Variants in RRM2B observed in about 807,000 individuals in gnomAD.
The protein encoded by RRM2B is ribonucleoside-diphosphate reductase subunit M2 B.
A neutral mutation model predicts 45.9 loss-of-function variants in RRM2B; 20 were observed. That is an observed-to-expected ratio of 0.44 (90% CI 0.31 to 0.63). RRM2B has a LOEUF of 0.63. RRM2B is among the 30% of genes least tolerant of loss of function. The pLI is 0.09. For synonymous variants in RRM2B, 124 were observed against 132.3 expected (o/e 0.94, Z 0.43); for missense variants, 320 against 414.7 (o/e 0.77, Z 1.98).
chr8:102,224,258 T>G, intron 4 of RRM2B, 118 bp from the exon 5 acceptor site: 1 of 682,186 alleles, frequency 1.5e-6, no homozygotes, highest in East Asian at 3.0e-5. Flanking sequence ...CTCGGCTCAC[T>G]GCAAGCTCCA....
intron 6 of RRM2B, among the ~76,000 whole-genome samples, chr8:102,216,795 C>T (rs1810738356): frequency 6.6e-6 from 1 of 151,874 alleles, no homozygotes; most frequent in South Asian, 2.1e-4. Flanking sequence ...GCAAATAAAA[C>T]CAATAATGAG....
rs2132539435 is a variant in RRM2B, at chr8:102,208,163, A to C, written c.1026T>G (p.Asp342Glu). ...AATCTGCATCCAAGGTGAAGACGTT[A>C]TCTGTGGTTTCTGCCATAACTGCAA... ...QRFAVMAETT[D>E]NVFTLDADF is the part of the protein sequence containing the mutation. Residue 342 changes from aspartate to glutamate, a missense_variant, in exon 9 of 9, where the codon GAT becomes GAG. By Grantham distance (45) the Asp-to-Glu change is conservative. Transcript: ENST00000251810. 6.2e-7 allele frequency: 1 copy of C among 1,613,678 alleles called. No homozygotes were observed. Among genetic ancestry groups the C allele is most frequent in the Middle Eastern group, 1.7e-4 (1 of 6,058 alleles).
Position 102,206,478 on chromosome 8 carries a change from T to C in RRM2B, c.*1655A>G, listed in dbSNP as rs1467450894. The C allele has an allele frequency of 6.6e-6, 1 of 152,196 alleles. No homozygotes were observed. Among genetic ancestry groups the C allele is most frequent in the Non-Finnish European group, 1.5e-5 (1 of 68,020 alleles). The allele number at this position is 152,196 out of a possible 1,614,324, so 9.4% of individuals were successfully genotyped here. On this transcript the variant is annotated 3_prime_UTR_variant, in exon 9 of 9. Coordinates refer to ENST00000251810, the MANE Select transcript of RRM2B (RefSeq NM_015713.5). ...ACAGTGTATCTAACAAATAAAGTTA[T>C]GGCCTGCTCCTTTTGCATTCACTTG... is the stretch of plus-strand genomic sequence containing the variant.
chr8:102,223,449 T>C (rs1459416672), intron 5 of RRM2B, among the ~76,000 whole-genome samples: 1 of 152,166 alleles, frequency 6.6e-6, no homozygotes, highest in Non-Finnish European at 1.5e-5. Flanking sequence ...TCCCAGCACT[T>C]TGGGAGGCCA....
intron 2 of RRM2B, among the ~76,000 whole-genome samples, chr8:102,227,957 T>C (rs1050995820): frequency 3.3e-5 from 5 of 152,142 alleles, no homozygotes; most frequent in African/African-American, 1.2e-4. Flanking sequence ...ATCATTTTGA[T>C]AGGGACAGGA....
At chr8:102,219,848 T>C (rs1810797990) in intron 5 of RRM2B, among the ~76,000 whole-genome samples, 1 of 152,196 alleles carries the variant, frequency 6.6e-6, no homozygotes, top group African/African-American at 2.4e-5. Context: ...CCTCAGTACA[T>C]GTCACAGGAC....
At chr8:102,228,147 A>G (rs1262967703) in intron 2 of RRM2B, among the ~76,000 whole-genome samples, 1 of 152,176 alleles carries the variant, frequency 6.6e-6, no homozygotes, top group African/African-American at 2.4e-5. Context: ...CTCTACCAGC[A>G]GAGAAGAGGA....
At chr8:102,229,878 C>T (rs1472409941) in intron 2 of RRM2B, among the ~76,000 whole-genome samples, 1 of 152,154 alleles carries the variant, frequency 6.6e-6, no homozygotes, top group Admixed American at 6.5e-5. Flanking sequence ...AGCCACCATG[C>T]TCGACCTCTT....
At chr8:102,226,606 C>CTA (rs1479013430) in intron 2 of RRM2B, among the ~76,000 whole-genome samples, 2 of 152,034 alleles carry the variant, frequency 1.3e-5, no homozygotes, top group Non-Finnish European at 2.9e-5. Flanking sequence ...ATAATATGTG[C>CTA]TATGGTGTTA....
At chr8:102,211,178 T>G (rs1410855085) in intron 8 of RRM2B, among the ~76,000 whole-genome samples, 1 of 152,090 alleles carries the variant, frequency 6.6e-6, no homozygotes, top group African/African-American at 2.4e-5. Context: ...CCTGGCTAAT[T>G]TTTTGTAGGA....
At chr8:102,215,317 G>A (rs982395141) in intron 6 of RRM2B, among the ~76,000 whole-genome samples, 7 of 151,940 alleles carry the variant, frequency 4.6e-5, no homozygotes, top group Non-Finnish European at 8.8e-5. Context: ...GGCTGAAGCA[G>A]GAAGATTGCT....
rs1013886077 is a variant in RRM2B, at chr8:102,207,226, T to C, written c.*907A>G. ...AAAGAAGAATGAAGTGTTCAGCATT[T>C]CCCAAACTCATCTGACCACAGAATC... On this transcript the variant is annotated 3_prime_UTR_variant, in exon 9 of 9. Coordinates refer to ENST00000251810, the MANE Select transcript of RRM2B (RefSeq NM_015713.5). 2.0e-5 allele frequency: 3 copies of C among 152,214 alleles called. No individual in the cohort carries two copies. Among genetic ancestry groups the C allele is most frequent in the African/African-American group, 7.2e-5 (3 of 41,450 alleles). The allele number at this position is 152,214 out of a possible 1,614,324, so 9.4% of individuals were successfully genotyped here.
chr8:102,236,162 A>C (rs1342173228), intron 1 of RRM2B, among the ~76,000 whole-genome samples: 1 of 152,214 alleles, frequency 6.6e-6, no homozygotes, highest in East Asian at 1.9e-4. Context: ...CTTAAGATAA[A>C]TCAGACTAAG....
intron 6 of RRM2B, among the ~76,000 whole-genome samples, chr8:102,215,944 CAAAA>C (rs60059243): frequency 3.3e-3 from 248 of 75,692 alleles, no homozygotes; most frequent in Non-Finnish European, 4.8e-3. Flanking sequence ...GACCCTGTCT[CAAAA>C]AAAAAAAAAA....
rs1013632664 is a variant in RRM2B at position 102,238,282 on chromosome 8, C to G, written c.48+545G>C. Among the ~76,000 whole-genome samples the G allele has an allele frequency of 2.0e-5, 3 of 152,126 alleles. No homozygotes were observed. In the East Asian group the frequency reaches 5.8e-4, roughly 29 times the overall value. ...CCGAAGATTCAGTTAGTTAAGGAGCCGGGCCTGAGCAAAACTGGCCTCCTA... is the reference window on the plus strand; with the variant it reads ...CCGAAGATTCAGTTAGTTAAGGAGCGGGGCCTGAGCAAAACTGGCCTCCTA... On this transcript the variant is annotated intron_variant, in intron 1 of 8. Transcript: ENST00000251810.
chr8:102,218,498 G>A (rs1196312398), intron 6 of RRM2B, among the ~76,000 whole-genome samples: 8 of 152,022 alleles, frequency 5.3e-5, no homozygotes, highest in Admixed American at 1.3e-4. Context: ...CAGGCAGATC[G>A]CTTGAGGCCA....
intron 2 of RRM2B, among the ~76,000 whole-genome samples, chr8:102,228,251 C>A (rs1810968541): frequency 6.6e-6 from 1 of 152,166 alleles, no homozygotes; most frequent in Non-Finnish European, 1.5e-5. Context: ...GACAGCATTC[C>A]TTTGGAGAGG....
At chr8:102,215,944 CAAAAAAAAAA>C (rs60059243) in intron 6 of RRM2B, among the ~76,000 whole-genome samples, 2 of 75,714 alleles carry the variant, frequency 2.6e-5, no homozygotes, top group Non-Finnish European at 4.8e-5. Context: ...GACCCTGTCT[CAAAAAAAAAA>C]AAAAAAAAAA....
chr8:102,231,242 T>C (rs907711178), intron 2 of RRM2B, among the ~76,000 whole-genome samples: 3 of 152,212 alleles, frequency 2.0e-5, no homozygotes, highest in African/African-American at 7.2e-5. Context: ...TGTGTTCAAC[T>C]GATCTCCCAG....
Sources: allele counts gnomAD v4.1 joint callset (sites outside exome capture counted in the v4.1 genomes callset), GRCh38; gene constraint gnomAD v4.1.1; transcripts MANE v1.5; gene names NCBI Gene and HGNC (gene_info 2026-07-23, HGNC 2026-07-21).